The following UBE2E2 variants were observed in gnomAD, a reference collection of about 807,000 sequenced individuals.
The protein encoded by UBE2E2 is ubiquitin conjugating enzyme E2 E2, also known as ubiquitin-conjugating enzyme E2 E2.
In UBE2E2, 6 loss-of-function variants were observed where a neutral mutation model predicts 24.7. The observed-to-expected ratio is 0.24, with a 90% confidence interval of 0.13 to 0.48. The LOEUF (loss-of-function observed/expected upper bound fraction) is 0.48, where lower values mean the gene tolerates loss of function less well. UBE2E2 is among the 20% of genes least tolerant of loss of function. The pLI is 0.99. For missense variants in UBE2E2, 169 were observed against 245.0 expected, an observed-to-expected ratio of 0.69 and a Z score of 2.07; for synonymous variants, 104 against 83.6, an observed-to-expected ratio of 1.24 and a Z score of -1.33.
chr3:23,564,554 T>C (rs2125507176), intron 5 of UBE2E2, among the ~76,000 whole-genome samples: 1 of 152,220 alleles, frequency 6.6e-6, no homozygotes, highest in East Asian at 1.9e-4. Context: ...ATTTTAAAAT[T>C]GGGGCCTCAG....
chr3:23,588,409 T>G (rs963657452), intron 5 of UBE2E2, among the ~76,000 whole-genome samples: 53 of 98,048 alleles, frequency 5.4e-4, no homozygotes, highest in Non-Finnish European at 9.8e-4. Context: ...TTTGTTTTTT[T>G]GTTTTTTTTT....
intron 3 of UBE2E2, among the ~76,000 whole-genome samples, chr3:23,467,932 A>G (rs941517831): frequency 6.6e-6 from 1 of 152,052 alleles, no homozygotes; most frequent in Non-Finnish European, 1.5e-5. Context: ...CTTTCAAACA[A>G]CCATATCTTA....
At chr3:23,293,774 G>T (rs897520781) in intron 3 of UBE2E2, among the ~76,000 whole-genome samples, 11 of 152,102 alleles carry the variant, frequency 7.2e-5, no homozygotes. Context: ...AGTAAGGTAG[G>T]AGATATACTT....
chr3:23,230,034 C>A (rs1422277428), intron 3 of UBE2E2, among the ~76,000 whole-genome samples: 2 of 152,046 alleles, frequency 1.3e-5, no homozygotes, highest in Non-Finnish European at 2.9e-5. Context: ...TGTATAAATA[C>A]ATATATACAT....
intron 3 of UBE2E2, among the ~76,000 whole-genome samples, chr3:23,354,223 T>G (rs1296796583): frequency 2.0e-5 from 3 of 151,998 alleles, no homozygotes; most frequent in Non-Finnish European, 4.4e-5. Context: ...TTACACCTTA[T>G]ACAAAAATTA....
intron 3 of UBE2E2, among the ~76,000 whole-genome samples, chr3:23,228,373 C>T (rs1696880101): frequency 1.3e-5 from 2 of 152,092 alleles, no homozygotes; most frequent in African/African-American, 4.8e-5. Context: ...GTTTGCCCAG[C>T]TTTATATCTA....
chr3:23,337,457 T>G (rs1438167270), intron 3 of UBE2E2, among the ~76,000 whole-genome samples: 2 of 152,204 alleles, frequency 1.3e-5, no homozygotes, highest in African/African-American at 4.8e-5. Flanking sequence ...ATTGATAATC[T>G]AGCTGGGAAG....
At chr3:23,447,896 A>G (rs981253223) in intron 3 of UBE2E2, among the ~76,000 whole-genome samples, 2 of 152,310 alleles carry the variant, frequency 1.3e-5, no homozygotes, top group Admixed American at 6.5e-5. Flanking sequence ...ATTAACATTC[A>G]TGGCATTTTG....
chr3:23,491,717 G>A (rs779428036), intron 3 of UBE2E2, among the ~76,000 whole-genome samples: 4 of 152,296 alleles, frequency 2.6e-5, no homozygotes, highest in South Asian at 4.1e-4. Flanking sequence ...GGGCTTGATC[G>A]TGAAGAACCT....
intron 3 of UBE2E2, among the ~76,000 whole-genome samples, chr3:23,251,717 C>T (rs770427021): frequency 8.5e-5 from 13 of 152,080 alleles, no homozygotes; most frequent in South Asian, 6.2e-4. Context: ...TTCCCATATC[C>T]TTTTTCTTTG....
chr3:23,582,844 T>C (rs1488870489), intron 5 of UBE2E2, among the ~76,000 whole-genome samples: 1 of 145,564 alleles, frequency 6.9e-6, no homozygotes, highest in Admixed American at 7.2e-5. Context: ...CTGTAGAGTG[T>C]CTGTTTATTC....
Position 23,260,488 on chromosome 3 carries a change from G to T in UBE2E2, c.227+43176G>T, listed in dbSNP as rs1697865685. Among the ~76,000 whole-genome samples the T allele has an allele frequency of 2.0e-5, 3 of 152,096 alleles. No homozygotes were observed. In the South Asian group the frequency reaches 6.2e-4, roughly 32 times the overall value. On this transcript the variant is annotated intron_variant, in intron 3 of 5. Coordinates refer to ENST00000396703, the MANE Select transcript of UBE2E2 (RefSeq NM_152653.4). ...GAAACAGCAAGACAGTATCTCATGT[G>T]ATATTGTCCCTATAATCTAATTTCT...
intron 3 of UBE2E2, among the ~76,000 whole-genome samples, chr3:23,387,511 A>T (rs775732046): frequency 3.3e-5 from 5 of 152,066 alleles, no homozygotes; most frequent in Non-Finnish European, 5.9e-5. Flanking sequence ...TTTTCTTGTC[A>T]TGGCCTTTTT....
intron 4 of UBE2E2, among the ~76,000 whole-genome samples, chr3:23,504,410 A>T (rs1559405292): frequency 1.3e-5 from 2 of 152,188 alleles, no homozygotes; most frequent in Non-Finnish European, 2.9e-5. Context: ...ATATAATTAC[A>T]CATTTTTATA....
intron 4 of UBE2E2, among the ~76,000 whole-genome samples, chr3:23,531,906 A>C (rs1268365077): frequency 6.6e-6 from 1 of 152,228 alleles, no homozygotes; most frequent in East Asian, 1.9e-4. Context: ...TACTAAAAAT[A>C]CAAAAATTAG....
intron 5 of UBE2E2, among the ~76,000 whole-genome samples, chr3:23,554,999 C>G (rs1695741175): frequency 2.0e-5 from 3 of 151,816 alleles, no homozygotes; most frequent in Admixed American, 2.0e-4. Flanking sequence ...TCACTGCAGC[C>G]TTATCTCCTG....
In UBE2E2 at chr3:23,280,928, A is replaced by T. The variant is rs1698477815; in HGVS notation, c.227+63616A>T. Among the ~76,000 whole-genome samples the T allele has an allele frequency of 6.6e-6, 1 of 152,224 alleles. No individual in the cohort carries two copies. The highest frequency in any genetic ancestry group is 1.9e-4 in the East Asian group (1 of 5,194). On this transcript the variant is annotated intron_variant, in intron 3 of 5. Transcript: ENST00000396703. This position sits in a 1 kb window ranked among gnomAD's most constrained non-coding sequence, Gnocchi z 4.3. ...AACTCAGGAGATTGGGAAGTCCAAG[A>T]TCAAAGTGCTGGCAGACCTGGTGTC...
intron 3 of UBE2E2, among the ~76,000 whole-genome samples, chr3:23,459,033 A>G (rs1285878286): frequency 1.3e-5 from 2 of 152,202 alleles, no homozygotes; most frequent in Non-Finnish European, 2.9e-5. Context: ...CTCATTTTTT[A>G]CAAATGGGTT....
chr3:23,535,895 A>G (rs1027386891), intron 5 of UBE2E2, among the ~76,000 whole-genome samples: 1 of 152,186 alleles, frequency 6.6e-6, no homozygotes, highest in Non-Finnish European at 1.5e-5. Flanking sequence ...TGCTGGGATG[A>G]CAGGCGTGAG....
Sources: gnomAD v4.1 joint callset for allele counts (sites outside exome capture counted in the v4.1 genomes callset) on GRCh38, gnomAD v4.1.1 for gene constraint, Gnocchi (gnomAD v3.1) non-coding constraint, MANE v1.5 for transcripts, NCBI Gene and HGNC (gene_info 2026-07-23, HGNC 2026-07-21) for gene names.